MYO3A: variants seen among roughly 807,000 people sequenced by gnomAD.
The protein encoded by MYO3A is myosin-IIIa.
A neutral mutation model predicts 192.7 loss-of-function variants in MYO3A; 180 were observed. The observed-to-expected ratio is 0.93, with a 90% CI of 0.83 to 1.06. The LOEUF (loss-of-function observed/expected upper bound fraction) is 1.06. Among genes scored for constraint, MYO3A ranks in the 50% least tolerant of loss-of-function variants. The pLI is 0.00. For missense variants in MYO3A, 1,896 were observed against 1,905.0 expected (o/e 1.00, Z 0.09); for synonymous variants, 628 against 645.3 (o/e 0.97, Z 0.41).
intron 17 of MYO3A, among the ~76,000 whole-genome samples, chr10:26,120,454 A>G (rs1337983284): frequency 2.2e-4 from 33 of 152,192 alleles, no homozygotes; most frequent in Non-Finnish European, 1.5e-5. Context: ...AAATATTTTT[A>G]AGCACTTAAA....
At chr10:26,093,793 C>T (rs547011980) in intron 15 of MYO3A, among the ~76,000 whole-genome samples, 9 of 152,278 alleles carry the variant, frequency 5.9e-5, no homozygotes, top group Admixed American at 6.5e-5. Context: ...AAAACATTTA[C>T]ATTTTTTTTA....
chr10:26,201,416 C>T (rs547670502), intron 33 of MYO3A, 111 bp downstream of exon 33: 6 of 695,850 alleles, frequency 8.6e-6, no homozygotes, highest in Admixed American at 2.8e-5. Flanking sequence ...CGCGGTGGCT[C>T]ACGCCTGTAA....
chr10:26,045,965 C>CA (rs1690225334), intron 10 of MYO3A, among the ~76,000 whole-genome samples: 1 of 152,186 alleles, frequency 6.6e-6, no homozygotes, highest in African/African-American at 2.4e-5. Context: ...AATAAGAACT[C>CA]ATTCATGTGG....
intron 6 of MYO3A, among the ~76,000 whole-genome samples, chr10:26,014,248 A>G (rs1188245662): frequency 6.6e-6 from 1 of 152,062 alleles, no homozygotes; most frequent in Non-Finnish European, 1.5e-5. Flanking sequence ...TGTAACAAAT[A>G]AACACATGTA....
At position 26,174,155 on chromosome 10, in the gene MYO3A, T is replaced by C. The variant is rs1290170448; in HGVS notation, c.3891T>C (p.Asn1297=). 6.2e-7 allele frequency: 1 copy of C among 1,614,104 alleles called. No individual in the cohort carries two copies. Among genetic ancestry groups the C allele is most frequent in the Non-Finnish European group, 8.5e-7 (1 of 1,180,028 alleles). Residue 1297 remains asparagine, a synonymous_variant, in exon 30 of 35, where the codon AAT becomes AAC. Coordinates refer to ENST00000642920, the MANE Select transcript of MYO3A (RefSeq NM_017433.5). ...PTLSQRSIYQ[N]ANSMEKEKKT... is the part of the protein sequence containing the mutation. ...TTAGCCAAAGGTCAATTTATCAAAATGCAAACAGCATGGAAAAAGAAAAGA... is the reference window on the plus strand; with the variant it reads ...TTAGCCAAAGGTCAATTTATCAAAACGCAAACAGCATGGAAAAAGAAAAGA...
At chr10:26,029,557 C>A (rs573766799) in intron 10 of MYO3A, among the ~76,000 whole-genome samples, 1 of 152,186 alleles carries the variant, frequency 6.6e-6, no homozygotes, top group East Asian at 1.9e-4. Flanking sequence ...ATATTTTTTT[C>A]GTGCTGATAT....
At chr10:26,071,517 C>A (rs4581344) in intron 14 of MYO3A, among the ~76,000 whole-genome samples, 72,167 of 151,818 alleles carry the variant, frequency 0.48, 17,941 homozygotes, top group Middle Eastern at 0.59. Context: ...ATAATTTATA[C>A]ATGGAAAAAT....
At chr10:26,111,922 C>T (rs1330290065) in intron 17 of MYO3A, among the ~76,000 whole-genome samples, 1 of 152,170 alleles carries the variant, frequency 6.6e-6, no homozygotes, top group Non-Finnish European at 1.5e-5. Context: ...CTTTTGTCTT[C>T]AGAGTTGATC....
At chr10:25,984,242 A>G (rs1283631803) in intron 4 of MYO3A, among the ~76,000 whole-genome samples, 1 of 152,244 alleles carries the variant, frequency 6.6e-6, no homozygotes, top group South Asian at 2.1e-4. Flanking sequence ...AGCATGATCA[A>G]TAGAATAGTA....
chr10:25,996,677 A>T, intron 5 of MYO3A, 83 bp downstream of exon 5: 1 of 1,009,374 alleles, frequency 9.9e-7, no homozygotes, highest in South Asian at 1.4e-5. Context: ...GAAAAATGTC[A>T]CTAGTGATAC....
intron 14 of MYO3A, among the ~76,000 whole-genome samples, chr10:26,083,250 G>A (rs1836086983): frequency 6.6e-6 from 1 of 152,198 alleles, no homozygotes; most frequent in South Asian, 2.1e-4. Flanking sequence ...CAGGTGGGTA[G>A]CATATACAAC....
intron 10 of MYO3A, among the ~76,000 whole-genome samples, chr10:26,046,827 T>A (rs1843660257): frequency 6.6e-6 from 1 of 152,232 alleles, no homozygotes; most frequent in South Asian, 2.1e-4. Context: ...TCACGTGGAA[T>A]CATTTATTAG....
intron 31 of MYO3A, among the ~76,000 whole-genome samples, chr10:26,183,244 G>C (rs191571903): frequency 1.3e-5 from 2 of 152,186 alleles, no homozygotes; most frequent in African/African-American, 4.8e-5. Flanking sequence ...AAATGTTTCG[G>C]CTGGGCGTGG....
At chr10:26,147,122 T>C (rs1289993412) in intron 22 of MYO3A, among the ~76,000 whole-genome samples, 1 of 152,192 alleles carries the variant, frequency 6.6e-6, no homozygotes, top group Non-Finnish European at 1.5e-5. Context: ...TCCTTTATGC[T>C]GCTCCATCCC....
At chr10:26,140,027 A>C (rs1840060907) in intron 20 of MYO3A, among the ~76,000 whole-genome samples, 2 of 152,246 alleles carry the variant, frequency 1.3e-5, no homozygotes, top group Non-Finnish European at 2.9e-5. Flanking sequence ...GGTAGAGTGC[A>C]TGGAGAGTGA....
At chr10:26,141,277 TAGG>T (rs1840150651) in intron 20 of MYO3A, among the ~76,000 whole-genome samples, 1 of 152,212 alleles carries the variant, frequency 6.6e-6, no homozygotes, top group African/African-American at 2.4e-5. Flanking sequence ...TCTGAAGAAA[TAGG>T]AGCTTTCTTT....
chr10:26,029,523 C>CT (rs1477326621), intron 10 of MYO3A, among the ~76,000 whole-genome samples: 2 of 152,156 alleles, frequency 1.3e-5, no homozygotes, highest in Admixed American at 6.5e-5. Context: ...AGAACTGGGC[C>CT]TAGTCTAGAT....
Position 26,174,360 on chromosome 10 carries a change from T to G in MYO3A, c.4096T>G (p.Leu1366Val), listed in dbSNP as rs1842207308. Residue 1366 changes from leucine to valine, a missense_variant, in exon 30 of 35, where the codon TTG becomes GTG. Leu to Val is a conservative substitution (Grantham distance 32). Coordinates refer to ENST00000642920, the MANE Select transcript of MYO3A (RefSeq NM_017433.5). The part of the protein sequence containing the change: ...KYRGYKRRQQ[L>V]RKDKMSSFKH... The stretch of plus-strand genomic sequence containing the variant: ...CCGGGGTTACAAGAGAAGGCAGCAG[T>G]TGAGGAAGGACAAGATGTCTTCTTT... 6.2e-7 allele frequency: 1 copy of G among 1,613,988 alleles called. No individual in the cohort carries two copies. The highest frequency in any genetic ancestry group is 1.7e-5 in the Admixed American group (1 of 59,994).
Position 25,944,610 on chromosome 10 carries a change from A to G in MYO3A, c.-17-7484A>G, listed in dbSNP as rs75886744. On this transcript the variant is annotated intron_variant, in intron 2 of 34. Coordinates refer to ENST00000642920, the MANE Select transcript of MYO3A (RefSeq NM_017433.5). ...TAAGTGATACCTCTTCAGATTTTCT[A>G]CTTCATCATGATTCAGTCTTGGTGA... Among the ~76,000 whole-genome samples, 69 of 152,034 alleles carry G rather than the reference A, an allele frequency of 4.5e-4. 1 individual carries two copies. The East Asian group carries it at 0.013, about 28-fold the overall frequency.
Sources: gnomAD v4.1 joint callset for allele counts (sites outside exome capture counted in the v4.1 genomes callset) on GRCh38, gnomAD v4.1.1 for gene constraint, MANE v1.5 for transcripts, NCBI Gene and HGNC (gene_info 2026-07-23, HGNC 2026-07-21) for gene names.